The following TEX9 variants were observed in gnomAD, a reference collection of about 807,000 sequenced individuals.
The protein encoded by TEX9 is testis expressed 9.
A neutral mutation model predicts 59.6 loss-of-function variants in TEX9; 74 were observed. The ratio of observed to expected loss-of-function variants is 1.24; its 90% CI spans 1.03 to 1.51. The LOEUF (loss-of-function observed/expected upper bound fraction) is 1.51, where lower values mean the gene tolerates loss of function less well. Ranked by LOEUF, TEX9 falls within the 40% of genes most tolerant of loss-of-function variation. The pLI, the probability that TEX9 is intolerant of heterozygous loss-of-function variation, is 0.00. For synonymous variants in TEX9, 186 were observed against 152.2 expected (o/e 1.22, Z -1.64); for missense variants, 522 against 447.8 (o/e 1.17, Z -1.49).
intron 1 of TEX9, among the ~76,000 whole-genome samples, chr15:56,300,004 G>T (rs1269852121): frequency 2.6e-5 from 4 of 152,098 alleles, no homozygotes; most frequent in African/African-American, 9.7e-5. Context: ...GAGTAAAGGA[G>T]ACTTTGTCTT....
intron 1 of TEX9, among the ~76,000 whole-genome samples, chr15:56,340,090 A>G (rs1479809033): frequency 6.6e-6 from 1 of 152,100 alleles, no homozygotes. Context: ...CAAGTATGGT[A>G]CTAATCTTTG....
intron 1 of TEX9, chr15:56,249,151 T>C (rs1431531411): frequency 6.6e-6 from 1 of 152,202 alleles, no homozygotes; most frequent in Non-Finnish European, 1.5e-5. Context: ...CAGGATAATT[T>C]ATTGAGCTAT....
intron 1 of TEX9, among the ~76,000 whole-genome samples, chr15:56,306,097 A>G (rs1278096366): frequency 6.6e-6 from 1 of 152,138 alleles, no homozygotes; most frequent in Non-Finnish European, 1.5e-5. Flanking sequence ...AAGCCAGGCA[A>G]TAACAAATGC....
At chr15:56,432,851 T>C (rs2050634315) in intron 12 of TEX9, among the ~76,000 whole-genome samples, 1 of 152,186 alleles carries the variant, frequency 6.6e-6, no homozygotes. Flanking sequence ...TCCTACTTTG[T>C]ATAGTTTTAA....
At chr15:56,338,559 A>G (rs1209562362) in intron 1 of TEX9, among the ~76,000 whole-genome samples, 1 of 89,406 alleles carries the variant, frequency 1.1e-5, no homozygotes, top group African/African-American at 3.7e-5. Context: ...CTGTAAACCT[A>G]TATTTGAAAT....
chr15:56,414,360 C>A (rs1567134392), intron 10 of TEX9, among the ~76,000 whole-genome samples: 1 of 151,620 alleles, frequency 6.6e-6, no homozygotes, highest in Non-Finnish European at 1.5e-5. Flanking sequence ...GCCCAGTACT[C>A]AATAGTTATC....
chr15:56,317,904 T>G (rs749290831), intron 1 of TEX9, among the ~76,000 whole-genome samples: 4 of 152,208 alleles, frequency 2.6e-5, no homozygotes, highest in Admixed American at 6.5e-5. Flanking sequence ...TGGCCTAACA[T>G]ATGATCTTTT....
intron 12 of TEX9, chr15:56,431,521 G>A: frequency 6.2e-7 from 1 of 1,612,404 alleles, no homozygotes; most frequent in Non-Finnish European, 8.5e-7. Context: ...ATCAAATTTT[G>A]TTATCACAAA....
At chr15:56,402,250 A>G (rs1277031641) in intron 9 of TEX9, among the ~76,000 whole-genome samples, 1 of 152,142 alleles carries the variant, frequency 6.6e-6, no homozygotes, top group African/African-American at 2.4e-5. Flanking sequence ...CAAGACTAAT[A>G]AAGAAGAAAA....
intron 1 of TEX9, among the ~76,000 whole-genome samples, chr15:56,285,809 A>T (rs1399053959): frequency 6.6e-6 from 1 of 152,228 alleles, no homozygotes; most frequent in Non-Finnish European, 1.5e-5. Flanking sequence ...ATAAAAAATT[A>T]TAGGTAAAAC....
intron 3 of TEX9, among the ~76,000 whole-genome samples, chr15:56,379,858 C>CT (rs35913300): frequency 0.5 from 72,794 of 144,882 alleles, 18,154 homozygotes; most frequent in South Asian, 0.64. Flanking sequence ...GGTTCTCCTG[C>CT]TTTTTTTTTT....
chr15:56,254,609 G>A (rs1277522185), intron 1 of TEX9, among the ~76,000 whole-genome samples: 1 of 151,290 alleles, frequency 6.6e-6, no homozygotes, highest in Non-Finnish European at 1.5e-5. Flanking sequence ...AGCTAACAGG[G>A]ATTCTTATTT....
intron 1 of TEX9, among the ~76,000 whole-genome samples, chr15:56,322,450 G>T (rs1459544834): frequency 6.6e-6 from 1 of 152,140 alleles, no homozygotes; most frequent in African/African-American, 2.4e-5. Flanking sequence ...GAGTTTTAGT[G>T]TGGAAGGAGT....
chr15:56,252,729 C>A (rs912611921), intron 1 of TEX9, among the ~76,000 whole-genome samples: 1 of 152,032 alleles, frequency 6.6e-6, no homozygotes, highest in Non-Finnish European at 1.5e-5. Context: ...GAGGCTGACC[C>A]TCATGGAGAT....
intron 1 of TEX9, among the ~76,000 whole-genome samples, chr15:56,356,559 T>C (rs1237292669): frequency 2.6e-5 from 4 of 152,154 alleles, no homozygotes; most frequent in Non-Finnish European, 5.9e-5. Flanking sequence ...TAGGTTTTAT[T>C]TATCTAAAGA....
chr15:56,261,671 A>G (rs976773212), intron 1 of TEX9, among the ~76,000 whole-genome samples: 1 of 152,232 alleles, frequency 6.6e-6, no homozygotes, highest in East Asian at 1.9e-4. Context: ...GAGCTAAGCT[A>G]ACGCCATTGC....
At chr15:56,431,083 G>A (rs1377878741) in intron 12 of TEX9, among the ~76,000 whole-genome samples, 4 of 152,176 alleles carry the variant, frequency 2.6e-5, no homozygotes, top group African/African-American at 9.7e-5. Flanking sequence ...ATCACCGGGA[G>A]GCAGAGGTTG....
At chr15:56,261,376 CCAAT>C (rs1286792013) in intron 1 of TEX9, among the ~76,000 whole-genome samples, 2 of 151,542 alleles carry the variant, frequency 1.3e-5, no homozygotes, top group African/African-American at 4.9e-5. Flanking sequence ...TTAAAAAAAT[CCAAT>C]CAGAGAGAAC....
chr15:56,307,893 G>A (rs1202234282), intron 1 of TEX9, among the ~76,000 whole-genome samples: 2 of 152,086 alleles, frequency 1.3e-5, no homozygotes, highest in African/African-American at 4.8e-5. Context: ...GTTCATCCGT[G>A]TTGTAGTTTG....
Sources: allele counts gnomAD v4.1 joint callset (sites outside exome capture counted in the v4.1 genomes callset), GRCh38; gene constraint gnomAD v4.1.1; transcripts MANE v1.5; gene names NCBI Gene and HGNC (gene_info 2026-07-23, HGNC 2026-07-21).